Variants in COL6A6 observed in about 807,000 individuals in gnomAD.
COL6A6 encodes collagen type VI alpha 6 chain, also known as collagen alpha-6(VI) chain.
In COL6A6, 183 loss-of-function variants were observed where a neutral mutation model predicts 208.6. The ratio of observed to expected loss-of-function variants is 0.88; its 90% CI spans 0.78 to 0.99. COL6A6 has a LOEUF of 0.99. COL6A6 is among the 50% of genes least tolerant of loss of function. The probability of loss-of-function intolerance (pLI) is 0.00; values close to 1 mark genes in which losing one functional copy is unlikely to be tolerated. For synonymous variants in COL6A6, 973 were observed against 1,011.8 expected (o/e 0.96, Z 0.73); for missense variants, 2,816 against 2,815.2 (o/e 1.00, Z -0.01).
At chr3:130,660,845 T>C (rs941053942) in intron 34 of COL6A6, among the ~76,000 whole-genome samples, 2 of 152,226 alleles carry the variant, frequency 1.3e-5, no homozygotes, top group Non-Finnish European at 2.9e-5. Flanking sequence ...TGGTGTGTCC[T>C]TAGGCAAAAT....
chr3:130,660,270 T>G (rs1042151563), intron 34 of COL6A6, among the ~76,000 whole-genome samples: 2 of 152,206 alleles, frequency 1.3e-5, no homozygotes, highest in Non-Finnish European at 2.9e-5. Flanking sequence ...AGAAACTGCT[T>G]TGCACACAGG....
chr3:130,567,488 A>T (rs1272913433), intron 5 of COL6A6, among the ~76,000 whole-genome samples: 1 of 152,242 alleles, frequency 6.6e-6, no homozygotes, highest in Non-Finnish European at 1.5e-5. Context: ...AATAAGTATT[A>T]ATCAGCTTCC....
rs1295894229 is a variant in COL6A6, at chr3:130,628,780, AGCGACG to A, written c.4992+1412_4992+1417del. 2.5e-5 allele frequency among the ~76,000 whole-genome samples: 3 copies of A among 122,120 alleles called. No individual in the cohort carries two copies. The South Asian group carries it at 7.2e-4, about 29-fold the overall frequency. The allele number at this position is 122,120 out of a possible 152,430, so 80.1% of individuals were successfully genotyped here. On this transcript the variant is annotated intron_variant, in intron 26 of 36. Transcript: ENST00000358511. ...GCTCCGGTCTACAGCTCCCTGCGTG[AGCGACG>A]CAGAAGACGGTGATTTCTGCATTTC...
At chr3:130,640,289 CACTT>C (rs2065272845) in intron 28 of COL6A6, among the ~76,000 whole-genome samples, 1 of 152,178 alleles carries the variant, frequency 6.6e-6, no homozygotes, top group Admixed American at 6.5e-5. Flanking sequence ...AGTCATTTAA[CACTT>C]ACACATTTGC....
Position 130,675,268 on chromosome 3 carries a change from A to G in COL6A6, c.6663A>G (p.Gln2221=). ...TATTACAGAAGGCAAAATTCTTTCA[A>G]GATAAAAAATATCTTTCAAGAGTAG... ...EDVLQKAKFF[Q]DKKYLSRVAR... is the part of the protein sequence containing the mutation. The change falls in exon 37 of 37, where the codon CAA becomes CAG. Residue 2221 remains glutamine, a synonymous_variant. Coordinates refer to ENST00000358511, the MANE Select transcript of COL6A6 (RefSeq NM_001102608.3). 2 of 1,586,422 alleles carry G rather than the reference A, an allele frequency of 1.3e-6. No individual in the cohort carries two copies. Among genetic ancestry groups the G allele is most frequent in the Non-Finnish European group, 8.6e-7 (1 of 1,165,022 alleles).
chr3:130,563,359 T>A lies in COL6A6; in HGVS notation c.356T>A (p.Phe119Tyr). 1 of 1,614,004 alleles carries A rather than the reference T, an allele frequency of 6.2e-7. No homozygotes were observed. The highest frequency in any genetic ancestry group is 8.5e-7 in the Non-Finnish European group (1 of 1,179,884). The change falls in exon 3 of 37, where the codon TTC becomes TAC. Residue 119 changes from phenylalanine (F) to tyrosine (Y), a missense_variant. Transcript: ENST00000358511. The stretch of plus-strand genomic sequence containing the variant: ...CTTCAGGAGGCTCACAGGACTTATT[T>A]CTCTGCACCCGCAAATGGGAGAGAC... ...KALQEAHRTYFSAPANGRDKK... is the reference protein window; with the variant it reads ...KALQEAHRTYYSAPANGRDKK...
chr3:130,626,089 A>G (rs1437132051), intron 24 of COL6A6, among the ~76,000 whole-genome samples: 2 of 152,226 alleles, frequency 1.3e-5, no homozygotes, highest in Admixed American at 6.5e-5. Context: ...TTGCCAGGAT[A>G]TCATGCTCCC....
At chr3:130,607,436 T>C (rs1050851977) in intron 21 of COL6A6, among the ~76,000 whole-genome samples, 1 of 152,218 alleles carries the variant, frequency 6.6e-6, no homozygotes, top group Admixed American at 6.5e-5. Context: ...ATACATTATA[T>C]GTGTTTCATG....
chr3:130,658,354 A>G (rs2065850283), intron 33 of COL6A6, among the ~76,000 whole-genome samples: 1 of 152,230 alleles, frequency 6.6e-6, no homozygotes, highest in Non-Finnish European at 1.5e-5. Flanking sequence ...TTTTGTGATC[A>G]TTAACCACCC....
In COL6A6 at chr3:130,626,468, A is replaced by T. The variant is rs777613883; in HGVS notation, c.4879-17A>T. Reference sequence around the variant, plus strand: ...ATTTCCAATTTCCAACCTAAAAACAATCTTTCTGTTTAACAGGGAGAACCT... The same window carrying T: ...ATTTCCAATTTCCAACCTAAAAACATTCTTTCTGTTTAACAGGGAGAACCT... On this transcript the variant is annotated splice_polypyrimidine_tract_variant and intron_variant, in intron 24 of 36. Transcript: ENST00000358511. 1.5e-5 allele frequency: 24 copies of T among 1,598,644 alleles called. No homozygotes were observed. Among genetic ancestry groups the T allele is most frequent in the Non-Finnish European group, 2.0e-5 (23 of 1,166,034 alleles).
intron 3 of COL6A6, 121 bp downstream of exon 3, chr3:130,563,785 A>G (rs1263167512): frequency 1.2e-5 from 8 of 667,942 alleles, no homozygotes; most frequent in African/African-American, 1.8e-5. Context: ...TTCAGATGTT[A>G]TGTACCCATC....
chr3:130,581,898 A>C lies in COL6A6; in HGVS notation c.3885A>C (p.Arg1295=). 3 of 1,604,132 alleles carry C rather than the reference A, an allele frequency of 1.9e-6. No individual in the cohort carries two copies. Among genetic ancestry groups the C allele is most frequent in the Non-Finnish European group, 2.6e-6 (3 of 1,173,550 alleles). ...WDTFQNKSAA[R]GKVVLLFSDG... The stretch of plus-strand genomic sequence containing the variant: ...CATTTCAGAATAAATCAGCTGCTCG[A>C]GGAAAGGTAACATGGATTTATCTTA... Residue 1295 remains arginine, a synonymous_variant, in exon 9 of 37, where the codon CGA becomes CGC. Transcript: ENST00000358511.
At chr3:130,649,670 A>G in intron 33 of COL6A6, 108 bp downstream of exon 33, 1 of 1,241,666 alleles carries the variant, frequency 8.1e-7, no homozygotes, top group Non-Finnish European at 1.1e-6. Flanking sequence ...TAGGAAGTTT[A>G]AAAAATTCTG....
At chr3:130,550,375 T>C (rs113329481) in intron 1 of COL6A6, among the ~76,000 whole-genome samples, 2,768 of 152,284 alleles carry the variant, frequency 0.018, 74 homozygotes, top group African/African-American at 0.063. Context: ...CATCCTTGTT[T>C]TGTTCTGGTT....
Position 130,582,046 on chromosome 3 carries a change from A to C in COL6A6, c.3948A>C (p.Lys1316Asn). Residue 1316 changes from lysine (K) to asparagine (N), a missense_variant, in exon 10 of 37, where the codon AAA (lysine) becomes AAC (asparagine). Lys to Asn is a moderately conservative substitution (Grantham distance 94). Transcript: ENST00000358511. ...ATGATGTTGAGAAACTTGAACAAAAATCTGATGAACTTAGAAAAGAAGGTA... is the reference window on the plus strand; with the variant it reads ...ATGATGTTGAGAAACTTGAACAAAACTCTGATGAACTTAGAAAAGAAGGTA... ...LDDDVEKLEQ[K>N]SDELRKEGLN... 1.2e-6 allele frequency: 2 copies of C among 1,604,022 alleles called. No individual in the cohort carries two copies. Among genetic ancestry groups the C allele is most frequent in the Non-Finnish European group, 1.7e-6 (2 of 1,173,094 alleles).
intron 11 of COL6A6, among the ~76,000 whole-genome samples, chr3:130,587,405 G>T (rs112102902): frequency 0.012 from 1,833 of 152,282 alleles, 26 homozygotes; most frequent in African/African-American, 0.03. Context: ...GGGATTACCG[G>T]CGCCCGCCAC....
At chr3:130,530,873 C>T (rs1203932725) in intron 1 of COL6A6, among the ~76,000 whole-genome samples, 1 of 152,166 alleles carries the variant, frequency 6.6e-6, no homozygotes, top group Non-Finnish European at 1.5e-5. Context: ...ATTCTGCTTT[C>T]AGACTTAAGA....
At chr3:130,555,731 T>C (rs2062753321) in intron 1 of COL6A6, among the ~76,000 whole-genome samples, 1 of 152,174 alleles carries the variant, frequency 6.6e-6, no homozygotes, top group African/African-American at 2.4e-5. Flanking sequence ...AAATCATGAA[T>C]TGAATGATGG....
chr3:130,531,090 T>TCTCTCTCTCTCTCTCTCTC (rs58792644), intron 1 of COL6A6, among the ~76,000 whole-genome samples: 1 of 145,144 alleles, frequency 6.9e-6, no homozygotes, highest in African/African-American at 2.7e-5. Flanking sequence ...TCTCTCTCTC[T>TCTCTCTCTCTCTCTCTCTC]GCCACTCACA....
Sources: allele counts gnomAD v4.1 joint callset (sites outside exome capture counted in the v4.1 genomes callset), GRCh38; gene constraint gnomAD v4.1.1; transcripts MANE v1.5; gene names NCBI Gene and HGNC (gene_info 2026-07-23, HGNC 2026-07-21).